Variants in ATP11B observed in about 807,000 individuals in gnomAD.
ATP11B encodes the protein ATPase phospholipid transporting 11B (putative).
A neutral mutation model predicts 157.8 loss-of-function variants in ATP11B; 81 were observed. The observed-to-expected ratio is 0.51, with a 90% CI of 0.43 to 0.62. ATP11B has a LOEUF of 0.62. Among genes scored for constraint, ATP11B ranks in the 20% least tolerant of loss-of-function variants. The probability of loss-of-function intolerance (pLI) is 0.00; values close to 1 mark genes in which losing one functional copy is unlikely to be tolerated. For missense variants in ATP11B, 1,165 were observed against 1,402.2 expected, an observed-to-expected ratio of 0.83 and a Z score of 2.70; for synonymous variants, 451 against 469.4, an observed-to-expected ratio of 0.96 and a Z score of 0.51.
At chr3:182,815,279 G>A (rs77998672) in intron 1 of ATP11B, among the ~76,000 whole-genome samples, 318 of 152,210 alleles carry the variant, frequency 2.1e-3, no homozygotes, top group Middle Eastern at 0.014. Flanking sequence ...TTTACATTGT[G>A]GGTGTTTTAA....
At chr3:182,914,964 A>G in intron 29 of ATP11B, 2 of 985,370 alleles carry the variant, frequency 2.0e-6, no homozygotes, top group Admixed American at 6.1e-5. Flanking sequence ...CAAATGTGCT[A>G]CATGAATATT....
At chr3:182,897,897 T>C (rs1560122758) in intron 27 of ATP11B, among the ~76,000 whole-genome samples, 1 of 152,092 alleles carries the variant, frequency 6.6e-6, no homozygotes, top group African/African-American at 2.4e-5. Context: ...GCTACTCAGA[T>C]AGATTAAAAA....
chr3:182,834,087 A>T (rs1490990366), intron 4 of ATP11B, among the ~76,000 whole-genome samples: 38 of 152,238 alleles, frequency 2.5e-4, no homozygotes, highest in Admixed American at 2.5e-3. Flanking sequence ...ATGAGCTTGT[A>T]TTAAAAAAAG....
chr3:182,851,289 T>C (rs752697357), intron 10 of ATP11B, among the ~76,000 whole-genome samples: 8 of 152,072 alleles, frequency 5.3e-5, no homozygotes, highest in Non-Finnish European at 8.8e-5. Flanking sequence ...AGACTCCATC[T>C]CAAAAAATAA....
In ATP11B at chr3:182,869,281, A is replaced by T. The variant is rs745735760; in HGVS notation, c.1816A>T (p.Ile606Leu). 1 of 1,610,050 alleles carries T rather than the reference A, an allele frequency of 6.2e-7. No homozygotes were observed. Among genetic ancestry groups the T allele is most frequent in the East Asian group, 2.2e-5 (1 of 44,666 alleles). The change falls in exon 17 of 30, where the codon ATA becomes TTA. Residue 606 changes from isoleucine (I) to leucine (L), a missense_variant. Ile to Leu is a conservative substitution (Grantham distance 5, BLOSUM62 2). This residue lies in a region of ATP11B where 737 missense variants were observed against 930.5 expected (regional missense o/e 0.79). Coordinates refer to ENST00000323116, the MANE Select transcript of ATP11B (RefSeq NM_014616.3). Reference sequence around the variant, plus strand: ...TGAGTCATCAATTCTCCCTAAATGTATAGGTGGAGAAATAGAAAAAACCAG... The same window carrying T: ...TGAGTCATCAATTCTCCCTAAATGTTTAGGTGGAGAAATAGAAAAAACCAG... The part of the protein sequence containing the change: ...GAESSILPKC[I>L]GGEIEKTRIH...
In ATP11B at chr3:182,875,413, A is replaced by AT. The variant is rs536448114; in HGVS notation, c.2252+1404dup. Among the ~76,000 whole-genome samples, 605 of 149,920 alleles carry AT rather than the reference A, an allele frequency of 4.0e-3. 5 individuals carry two copies. The highest frequency in any genetic ancestry group is 6.5e-3 in the Non-Finnish European group (442 of 67,936). On this transcript the variant is annotated intron_variant, in intron 19 of 29. Coordinates refer to ENST00000323116, the MANE Select transcript of ATP11B (RefSeq NM_014616.3). ...ATATTTTAAAAAGACCATGCAGGGG[A>AT]TTTTTTGTTGTTGTTGTTTTGTTGT...
chr3:182,837,592 ATTATAACC>A (rs1449654888), intron 7 of ATP11B, among the ~76,000 whole-genome samples: 2 of 152,086 alleles, frequency 1.3e-5, no homozygotes, highest in Non-Finnish European at 2.9e-5. Flanking sequence ...CTACTTTTAA[ATTATAACC>A]TTATAAAGTT....
At chr3:182,888,257 T>A (rs1722932141) in intron 24 of ATP11B, among the ~76,000 whole-genome samples, 1 of 152,078 alleles carries the variant, frequency 6.6e-6, no homozygotes, top group Non-Finnish European at 1.5e-5. Flanking sequence ...ACTTATAGAG[T>A]CATCTCATTA....
Position 182,898,737 on chromosome 3 carries a change from C to A in ATP11B, c.3283C>A (p.Arg1095=), listed in dbSNP as rs532919083. The change falls in exon 28 of 30, where the codon CGA becomes AGA. Residue 1095 remains arginine, a synonymous_variant. Coordinates refer to ENST00000323116, the MANE Select transcript of ATP11B (RefSeq NM_014616.3). The part of the protein sequence containing the change: ...FLDIIKKVFD[R]HLHPTSTEKA... ...TGATATCATAAAGAAGGTCTTTGAC[C>A]GACACCTCCACCCTACAAGTACTGA... 1.9e-6 allele frequency: 3 copies of A among 1,584,962 alleles called. No homozygotes were observed. The South Asian group carries it at 3.5e-5, about 19-fold the overall frequency.
chr3:182,809,324 C>T (rs1312557785), intron 1 of ATP11B, among the ~76,000 whole-genome samples: 2 of 152,124 alleles, frequency 1.3e-5, no homozygotes, highest in Non-Finnish European at 2.9e-5. Context: ...TCTCCGCCTA[C>T]TGCAACCTCC....
chr3:182,848,732 TGTA>T (rs1302543498), intron 10 of ATP11B, among the ~76,000 whole-genome samples, 175 bp downstream of exon 10: 1 of 151,906 alleles, frequency 6.6e-6, no homozygotes, highest in Non-Finnish European at 1.5e-5. Context: ...GTATTGGACA[TGTA>T]GTAAATGCTC....
chr3:182,873,787 A>G (rs1342809112), intron 18 of ATP11B, 25 bp from the exon 19 acceptor site: 1 of 1,576,718 alleles, frequency 6.3e-7, no homozygotes, highest in Non-Finnish European at 8.7e-7. Context: ...ATTCTCTACT[A>G]CTAATTTGTT....
At chr3:182,817,569 G>A (rs1168952318) in intron 1 of ATP11B, among the ~76,000 whole-genome samples, 3 of 152,144 alleles carry the variant, frequency 2.0e-5, no homozygotes, top group Admixed American at 6.5e-5. Flanking sequence ...ATGAGCCACC[G>A]CCCCCAGCCA....
At chr3:182,880,414 T>A (rs1363062991) in intron 20 of ATP11B, among the ~76,000 whole-genome samples, 1 of 152,150 alleles carries the variant, frequency 6.6e-6, no homozygotes, top group African/African-American at 2.4e-5. Context: ...AAAAGTACAT[T>A]CAAGAATTCC....
At position 182,865,513 on chromosome 3, in the gene ATP11B, C is replaced by T. The variant is rs1454594359; in HGVS notation, c.1258C>T (p.Arg420Trp). 8 of 1,613,466 alleles carry T rather than the reference C, an allele frequency of 5.0e-6. No individual in the cohort carries two copies. The highest frequency in any genetic ancestry group is 4.4e-5 in the South Asian group (4 of 91,050). The change falls in exon 13 of 30, where the codon CGG becomes TGG. Residue 420 changes from arginine (R) to tryptophan (W), a missense_variant. Arg to Trp is a moderately radical substitution (Grantham distance 101, BLOSUM62 -3). This residue lies in a region of ATP11B where 737 missense variants were observed against 930.5 expected (regional missense o/e 0.79). Coordinates refer to ENST00000323116, the MANE Select transcript of ATP11B (RefSeq NM_014616.3). ...GTLTENEMQF[R>W]ECSINGMKYQ... ...ACTGACAGAAAATGAGATGCAGTTT[C>T]GGGAATGTTCAATTAATGGCATGAA...
chr3:182,899,993 A>G (rs1339058543), intron 28 of ATP11B, among the ~76,000 whole-genome samples: 1 of 152,212 alleles, frequency 6.6e-6, no homozygotes, highest in African/African-American at 2.4e-5. Flanking sequence ...TGCTTGTAAC[A>G]TGCCAAATGA....
chr3:182,860,766 ATAT>A (rs1302202381), intron 12 of ATP11B, among the ~76,000 whole-genome samples: 2 of 152,070 alleles, frequency 1.3e-5, no homozygotes, highest in Non-Finnish European at 2.9e-5. Flanking sequence ...TTCTGCTATA[ATAT>A]TTTTAATTTC....
At chr3:182,841,521 C>T (rs1719020721) in intron 7 of ATP11B, among the ~76,000 whole-genome samples, 1 of 152,146 alleles carries the variant, frequency 6.6e-6, no homozygotes. Flanking sequence ...AGATTCTTGC[C>T]ATTTTGAAAA....
At chr3:182,824,002 AC>A (rs993951983) in intron 2 of ATP11B, among the ~76,000 whole-genome samples, 2 of 150,234 alleles carry the variant, frequency 1.3e-5, no homozygotes, top group African/African-American at 4.9e-5. Context: ...CCTCCTCCTC[AC>A]CCCCCAGGCA....
Sources: allele counts gnomAD v4.1 joint callset (sites outside exome capture counted in the v4.1 genomes callset), GRCh38; gene constraint gnomAD v4.1.1; regional missense constraint gnomAD v4.1.1; transcripts MANE v1.5; gene names NCBI Gene and HGNC (gene_info 2026-07-23, HGNC 2026-07-21).